Variants in SECISBP2 observed in about 807,000 individuals in gnomAD.
SECISBP2 encodes selenocysteine insertion sequence-binding protein 2.
Under a neutral mutation model 98.2 loss-of-function variants are expected in SECISBP2, and 96 were observed. That is an observed-to-expected ratio of 0.98 (90% CI 0.83 to 1.16). The LOEUF is 1.16. Ranked by LOEUF, SECISBP2 falls within the 50% of genes most tolerant of loss-of-function variation. SECISBP2 has a pLI of 0.00. For missense variants in SECISBP2, 1,046 were observed against 1,022.9 expected, an observed-to-expected ratio of 1.02 and a Z score of -0.31; for synonymous variants, 407 against 370.2, an observed-to-expected ratio of 1.10 and a Z score of -1.14.
intron 4 of SECISBP2, among the ~76,000 whole-genome samples, 157 bp from the exon 5 acceptor site, chr9:89,328,503 C>A (rs1827162235): frequency 6.6e-6 from 1 of 152,182 alleles, no homozygotes; most frequent in Admixed American, 6.5e-5. Flanking sequence ...TATACTTTTA[C>A]AAAGGAAGGT....
intron 16 of SECISBP2, among the ~76,000 whole-genome samples, chr9:89,358,502 G>T (rs1045837786): frequency 6.6e-6 from 1 of 152,204 alleles, no homozygotes; most frequent in African/African-American, 2.4e-5. Context: ...CAAGGCCCCA[G>T]CTGCCCTATA....
At chr9:89,336,392 T>A (rs1021070534) in intron 7 of SECISBP2, among the ~76,000 whole-genome samples, 4 of 152,084 alleles carry the variant, frequency 2.6e-5, no homozygotes, top group Non-Finnish European at 4.4e-5. Flanking sequence ...CTTTTTTTTT[T>A]ATTGGTCTAA....
chr9:89,364,819 C>G, the SECISBP2 span: 1 of 152,250 alleles, frequency 6.6e-6, no homozygotes, highest in Non-Finnish European at 1.5e-5. Context: ...CCCAGGCTGC[C>G]TCGCCTGGGG....
chr9:89,350,772 G>A lies in SECISBP2; in HGVS notation c.2033G>A (p.Arg678Lys). 6.2e-7 allele frequency: 1 copy of A among 1,614,214 alleles called. No individual in the cohort carries two copies. The highest frequency in any genetic ancestry group is 1.1e-5 in the South Asian group (1 of 91,084). ...KTKRRLVLGL[R>K]EVLKHLKLKK... ...AAACGTCGACTTGTGTTGGGGTTGAGGGAGGTTCTCAAACACCTGAAGCTC... is the reference window on the plus strand; with the variant it reads ...AAACGTCGACTTGTGTTGGGGTTGAAGGAGGTTCTCAAACACCTGAAGCTC... The change falls in exon 14 of 17, where the codon AGG (arginine) becomes AAG (lysine). Residue 678 changes from arginine to lysine, a missense_variant. Physicochemically the swap from Arg to Lys is conservative, Grantham distance 26. Coordinates refer to ENST00000375807, the MANE Select transcript of SECISBP2 (RefSeq NM_024077.5).
intron 7 of SECISBP2, among the ~76,000 whole-genome samples, chr9:89,336,382 CTTTT>C: frequency 6.8e-6 from 1 of 146,530 alleles, no homozygotes; most frequent in East Asian, 2.0e-4. Context: ...CTTCAAGAGC[CTTTT>C]TTTTTTATTG....
chr9:89,327,485 C>A (rs949753642), intron 4 of SECISBP2, among the ~76,000 whole-genome samples: 1 of 152,076 alleles, frequency 6.6e-6, no homozygotes, highest in Non-Finnish European at 1.5e-5. Context: ...TGCAGAAAAA[C>A]CAAAAATACT....
intron 2 of SECISBP2, among the ~76,000 whole-genome samples, chr9:89,321,316 A>G (rs942036808): frequency 6.6e-6 from 1 of 152,288 alleles, no homozygotes; most frequent in Non-Finnish European, 1.5e-5. Context: ...ACATTTTGGC[A>G]GTAACATGAG....
At position 89,328,647 on chromosome 9, in the gene SECISBP2, T is replaced by A; in HGVS notation, c.575-13T>A. 6.2e-7 allele frequency: 1 copy of A among 1,609,250 alleles called. No homozygotes were observed. Among genetic ancestry groups the A allele is most frequent in the Non-Finnish European group, 8.5e-7 (1 of 1,175,804 alleles). On this transcript the variant is annotated splice_polypyrimidine_tract_variant and intron_variant, in intron 4 of 16. Coordinates refer to ENST00000375807, the MANE Select transcript of SECISBP2 (RefSeq NM_024077.5). The stretch of plus-strand genomic sequence containing the variant: ...CTAAATTTTTACTCTTACTTTTAAT[T>A]TTGTAATTACAGATGGTTACCATAA...
chr9:89,325,822 C>T lies in SECISBP2; in HGVS notation c.433-75C>T, dbSNP rs558747315. ...TTAAAAAATGATTGAATTGTGAATA[C>T]TTAATATTTTGCTGCTTTAAACCTT... On this transcript the variant is annotated intron_variant, in intron 3 of 16. Coordinates refer to ENST00000375807, the MANE Select transcript of SECISBP2 (RefSeq NM_024077.5). The T allele has an allele frequency of 1.8e-4, 287 of 1,598,498 alleles. 2 individuals are homozygous for T. The highest frequency in any genetic ancestry group is 1.2e-3 in the Admixed American group (73 of 59,386).
At chr9:89,329,347 C>T (rs892499442) in intron 5 of SECISBP2, 4 of 181,546 alleles carry the variant, frequency 2.2e-5, no homozygotes, top group African/African-American at 9.6e-5. Context: ...AATTCCTGAG[C>T]TAAGGCAATC....
At chr9:89,348,850 G>A (rs1830830823) in intron 12 of SECISBP2, among the ~76,000 whole-genome samples, 2 of 152,262 alleles carry the variant, frequency 1.3e-5, no homozygotes, top group African/African-American at 4.8e-5. Flanking sequence ...CTGGCAACAT[G>A]GAGATGCCGT....
At chr9:89,362,197 C>T (rs1464433762), downstream of SECISBP2, 4 of 754,426 alleles carry the variant, frequency 5.3e-6, no homozygotes, top group African/African-American at 7.0e-5. Context: ...GTCTTAGTTC[C>T]TGTCACAGGC....
At chr9:89,331,458 A>G (rs1364764713) in intron 5 of SECISBP2, among the ~76,000 whole-genome samples, 1 of 152,274 alleles carries the variant, frequency 6.6e-6, no homozygotes, top group East Asian at 1.9e-4. Context: ...TTTGTGAAGC[A>G]TATGAATTTT....
rs112095046 is a variant in SECISBP2 at position 89,332,140 on chromosome 9, T to TA, written c.802-761dup. On this transcript the variant is annotated intron_variant, in intron 5 of 16. Transcript: ENST00000375807. Reference sequence around the variant, plus strand: ...TGGAAAGTAACTGCTTAGGCTTTTTTAAAAAAATAGATTTTATGTTCGAGA... The same window carrying TA: ...TGGAAAGTAACTGCTTAGGCTTTTTTAAAAAAAATAGATTTTATGTTCGAGA... 6.9e-3 allele frequency among the ~76,000 whole-genome samples: 1,047 copies of TA among 152,294 alleles called. 15 individuals are homozygous for TA. The highest frequency in any genetic ancestry group is 0.024 in the African/African-American group (989 of 41,538).
the SECISBP2 span, chr9:89,365,183 G>A: frequency 1.3e-5 from 2 of 152,422 alleles, no homozygotes; most frequent in Non-Finnish European, 2.9e-5. Context: ...TCCAGCCCCA[G>A]AGCGTACAGA....
rs1272884571 is a variant in SECISBP2 at position 89,348,152 on chromosome 9, A to T, written c.1676A>T (p.Asp559Val). ...ENAVSPAFTS[D>V]DTQDGESGGD... is the part of the protein sequence containing the mutation. ...GCTGTGAGTCCAGCTTTTACCAGTGATGACACACAAGATGGAGAGAGTGGT... is the reference window on the plus strand; with the variant it reads ...GCTGTGAGTCCAGCTTTTACCAGTGTTGACACACAAGATGGAGAGAGTGGT... Residue 559 changes from aspartate to valine, a missense_variant, in exon 12 of 17, where the codon GAT becomes GTT. By Grantham distance (152) the Asp-to-Val change is radical. Coordinates refer to ENST00000375807, the MANE Select transcript of SECISBP2 (RefSeq NM_024077.5). 2 of 1,614,060 alleles carry T rather than the reference A, an allele frequency of 1.2e-6. No individual in the cohort carries two copies. Among genetic ancestry groups the T allele is most frequent in the Non-Finnish European group, 8.5e-7 (1 of 1,179,986 alleles).
At chr9:89,348,483 G>T (rs926322751) in intron 12 of SECISBP2, among the ~76,000 whole-genome samples, 1 of 152,174 alleles carries the variant, frequency 6.6e-6, no homozygotes, top group African/African-American at 2.4e-5. Context: ...ATGCTGGATG[G>T]TCCTCTAACT....
chr9:89,325,524 C>T lies in SECISBP2; in HGVS notation c.280C>T (p.Pro94Ser), dbSNP rs774611487. Residue 94 changes from proline (P) to serine (S), a missense_variant, in exon 3 of 17, where the codon CCT becomes TCT. Transcript: ENST00000375807. ...EITLHPYAYS[P>S]YTLDSTQNVY... ...AACTCTTCATCCATATGCCTATTCT[C>T]CTTATACCCTTGACTCCACACAGAA... 3 of 1,613,892 alleles carry T rather than the reference C, an allele frequency of 1.9e-6. No individual in the cohort carries two copies. Among genetic ancestry groups the T allele is most frequent in the South Asian group, 2.2e-5 (2 of 91,082 alleles).
chr9:89,338,603 C>T, intron 8 of SECISBP2, 23 bp downstream of exon 8: 1 of 1,608,240 alleles, frequency 6.2e-7, no homozygotes, highest in Non-Finnish European at 8.5e-7. Flanking sequence ...TTTTTATTCA[C>T]ATGGTGTGAT....
Sources: allele counts gnomAD v4.1 joint callset (sites outside exome capture counted in the v4.1 genomes callset), GRCh38; gene constraint gnomAD v4.1.1; transcripts MANE v1.5; gene names NCBI Gene and HGNC (gene_info 2026-07-23, HGNC 2026-07-21).